The following DGKI variants were observed in gnomAD, a reference collection of about 807,000 sequenced individuals.
DGKI encodes DAG kinase iota.
Under a neutral mutation model 147.5 loss-of-function variants are expected in DGKI, and 55 were observed. The ratio of observed to expected loss-of-function variants is 0.37; its 90% CI spans 0.30 to 0.47. The LOEUF (loss-of-function observed/expected upper bound fraction) is 0.47, where lower values mean the gene tolerates loss of function less well. DGKI is among the 20% of genes least tolerant of loss of function. DGKI has a pLI of 1.00. For missense variants in DGKI, 1,007 were observed against 1,323.8 expected (o/e 0.76, Z 3.71); for synonymous variants, 469 against 477.1 (o/e 0.98, Z 0.22).
rs535610468 is a variant in DGKI, at chr7:137,639,452, G to C, written c.804+6020C>G. On this transcript the variant is annotated intron_variant, in intron 6 of 32. Transcript: ENST00000614521. The stretch of plus-strand genomic sequence containing the variant: ...TTGGGATTGGGACCTTGTGTACCTG[G>C]AACTTTTTGGGACCATGTCCCCCAT... Among the ~76,000 whole-genome samples, 30 of 152,290 alleles carry C rather than the reference G, an allele frequency of 2.0e-4. No homozygotes were observed. The South Asian group carries it at 3.9e-3, about 20-fold the overall frequency.
intron 1 of DGKI, among the ~76,000 whole-genome samples, chr7:137,830,074 A>T (rs1302505173): frequency 2.0e-5 from 3 of 152,216 alleles, no homozygotes; most frequent in African/African-American, 4.8e-5. Flanking sequence ...ATAAGTAGGA[A>T]ACAAGCCAAG....
chr7:137,842,181 A>G (rs1274829837), intron 1 of DGKI, among the ~76,000 whole-genome samples: 2 of 152,258 alleles, frequency 1.3e-5, no homozygotes, highest in African/African-American at 4.8e-5. Flanking sequence ...AAAAGAGGAT[A>G]CATACTGATA....
intron 1 of DGKI, among the ~76,000 whole-genome samples, chr7:137,714,407 TTTA>T (rs1794315122): frequency 6.6e-6 from 1 of 152,230 alleles, no homozygotes; most frequent in Non-Finnish European, 1.5e-5. Flanking sequence ...TTGCTACTTT[TTTA>T]TTTTTCTTCT....
At chr7:137,845,836 A>G (rs375615949) in intron 1 of DGKI, among the ~76,000 whole-genome samples, 47 of 152,256 alleles carry the variant, frequency 3.1e-4, no homozygotes, top group African/African-American at 1.1e-3. Flanking sequence ...GGCAAGGAGC[A>G]CGCAGGCATG....
chr7:137,410,273 C>T (rs188761860), intron 29 of DGKI, among the ~76,000 whole-genome samples: 2,983 of 152,188 alleles, frequency 0.02, 85 homozygotes, highest in African/African-American at 0.068. Context: ...GGTGTGGTGG[C>T]AGGCACCTGT....
chr7:137,648,814 A>C (rs1821922396), intron 5 of DGKI, among the ~76,000 whole-genome samples: 1 of 152,202 alleles, frequency 6.6e-6, no homozygotes, highest in Non-Finnish European at 1.5e-5. Context: ...CAGATGTAGA[A>C]TATCATATAG....
intron 3 of DGKI, among the ~76,000 whole-genome samples, chr7:137,659,714 C>T (rs1822351394): frequency 6.6e-6 from 1 of 152,172 alleles, no homozygotes. Context: ...GGGCGGATCA[C>T]AAGGTCAGGA....
chr7:137,649,864 T>C (rs1043187262), intron 5 of DGKI, among the ~76,000 whole-genome samples: 1 of 151,120 alleles, frequency 6.6e-6, no homozygotes, highest in South Asian at 2.1e-4. Flanking sequence ...AAAAAGGAGA[T>C]CCAGAAAGAT....
intron 1 of DGKI, among the ~76,000 whole-genome samples, chr7:137,728,630 A>C (rs1173897493): frequency 6.6e-6 from 1 of 152,036 alleles, no homozygotes; most frequent in Non-Finnish European, 1.5e-5. Flanking sequence ...CTGCCAGTGA[A>C]ACCTAACTAT....
chr7:137,517,688 A>G (rs1388349458), intron 21 of DGKI, among the ~76,000 whole-genome samples: 3 of 152,168 alleles, frequency 2.0e-5, no homozygotes, highest in African/African-American at 7.2e-5. Flanking sequence ...ATCTAAAATT[A>G]TTCCAAAATA....
At chr7:137,540,216 A>G (rs1034989929) in intron 20 of DGKI, among the ~76,000 whole-genome samples, 2 of 152,232 alleles carry the variant, frequency 1.3e-5, no homozygotes, top group Admixed American at 1.3e-4. Flanking sequence ...AAACACTTCA[A>G]CAAAAATTCT....
chr7:137,477,128 G>T (rs541802087), intron 23 of DGKI, among the ~76,000 whole-genome samples: 2 of 152,180 alleles, frequency 1.3e-5, no homozygotes, highest in Admixed American at 1.3e-4. Context: ...CAGAGTTCCT[G>T]CCCCCACACA....
At chr7:137,429,378 C>T (rs1289066686) in intron 28 of DGKI, among the ~76,000 whole-genome samples, 1 of 152,122 alleles carries the variant, frequency 6.6e-6, no homozygotes, top group Non-Finnish European at 1.5e-5. Flanking sequence ...GGATCCCTTC[C>T]TTACACCTTA....
intron 27 of DGKI, among the ~76,000 whole-genome samples, chr7:137,446,006 C>A (rs1294192123): frequency 1.3e-5 from 2 of 152,180 alleles, no homozygotes; most frequent in Non-Finnish European, 2.9e-5. Flanking sequence ...CTAGAATCAG[C>A]CACAAGGAAA....
At chr7:137,587,237 GAT>G (rs1226235569) in intron 12 of DGKI, 27 bp from the exon 13 acceptor site, 10 of 1,540,664 alleles carry the variant, frequency 6.5e-6, no homozygotes, top group Non-Finnish European at 7.9e-6. Context: ...GGCCAGAAGA[GAT>G]ATAAGAAAGA....
At chr7:137,535,980 A>T (rs1438683035) in intron 20 of DGKI, among the ~76,000 whole-genome samples, 1 of 152,190 alleles carries the variant, frequency 6.6e-6, no homozygotes, top group Non-Finnish European at 1.5e-5. Context: ...CTGAAATTTT[A>T]TTATAACAAC....
chr7:137,405,805 T>G (rs957356620), intron 30 of DGKI, among the ~76,000 whole-genome samples: 3 of 152,132 alleles, frequency 2.0e-5, no homozygotes, highest in Admixed American at 6.5e-5. Flanking sequence ...GGCTTAGGTG[T>G]CCTGGCCTTC....
At position 137,425,545 on chromosome 7, in the gene DGKI, C is replaced by T. The variant is rs568707055; in HGVS notation, c.2762-13338G>A. On this transcript the variant is annotated intron_variant, in intron 28 of 32. Transcript: ENST00000614521. ...TCACCAGCAACAGAACAAAGATGGACGGAGAATGACTTTGACGAGTTGAGA... is the reference window on the plus strand; with the variant it reads ...TCACCAGCAACAGAACAAAGATGGATGGAGAATGACTTTGACGAGTTGAGA... Among the ~76,000 whole-genome samples, 30 of 152,264 alleles carry T rather than the reference C, an allele frequency of 2.0e-4. No homozygotes were observed. In the South Asian group the frequency reaches 3.3e-3, roughly 17 times the overall value.
intron 28 of DGKI, among the ~76,000 whole-genome samples, chr7:137,422,161 T>C (rs1812597328): frequency 6.6e-6 from 1 of 152,186 alleles, no homozygotes; most frequent in African/African-American, 2.4e-5. Flanking sequence ...GCAAACTTCG[T>C]GGGTGAATTA....
Sources: allele counts gnomAD v4.1 joint callset (sites outside exome capture counted in the v4.1 genomes callset), GRCh38; gene constraint gnomAD v4.1.1; transcripts MANE v1.5; gene names NCBI Gene and HGNC (gene_info 2026-07-23, HGNC 2026-07-21).